Variants in DSCAML1 observed in about 807,000 individuals in gnomAD.
DSCAML1 encodes the protein cell adhesion molecule DSCAML1.
In DSCAML1, 38 loss-of-function variants were observed where a neutral mutation model predicts 200.5. That is an observed-to-expected ratio of 0.19 (90% CI 0.15 to 0.25). DSCAML1 has a LOEUF of 0.25. Ranked by LOEUF, DSCAML1 falls within the 10% of genes least tolerant of loss-of-function variation. The pLI, the probability that DSCAML1 is intolerant of heterozygous loss-of-function variation, is 1.00. For missense variants in DSCAML1, 2,223 were observed against 2,858.8 expected, an observed-to-expected ratio of 0.78 and a Z score of 5.07; for synonymous variants, 1,215 against 1,165.0, an observed-to-expected ratio of 1.04 and a Z score of -0.87.
chr11:117,692,502 T>A (rs2053514503), intron 3 of DSCAML1, among the ~76,000 whole-genome samples: 1 of 152,268 alleles, frequency 6.6e-6, no homozygotes, highest in Admixed American at 6.5e-5. Flanking sequence ...TGGTCAGGAT[T>A]TTAAACTACA....
chr11:117,616,410 A>T (rs2051812485), intron 3 of DSCAML1, among the ~76,000 whole-genome samples: 1 of 152,182 alleles, frequency 6.6e-6, no homozygotes, highest in Non-Finnish European at 1.5e-5. Context: ...CAATGGGAAG[A>T]CTGTACTGCT....
chr11:117,468,535 T>C (rs1407253763), intron 16 of DSCAML1, among the ~76,000 whole-genome samples: 1 of 152,220 alleles, frequency 6.6e-6, no homozygotes, highest in Non-Finnish European at 1.5e-5. Context: ...GGAGTGTTTC[T>C]AGGATACAGG....
rs1345834453 is a variant in DSCAML1 at position 117,428,532 on chromosome 11, TG to T, written c.5957del (p.Pro1986GlnfsTer45). 1.6e-5 allele frequency: 16 copies of T among 1,006,918 alleles called. No homozygotes were observed. Among genetic ancestry groups the T allele is most frequent in the African/African-American group, 1.9e-5 (1 of 53,802 alleles). The allele number at this position is 1,006,918 out of a possible 1,614,324, so 62.4% of individuals were successfully genotyped here. ...MPAPPAGTAP[P>X]APGPTPAEPP... The stretch of plus-strand genomic sequence containing the variant: ...GCTCAGCAGGGGTGGGGCCGGGGGC[TG>T]GGGGGGCTGTGCCGGCTGGGGGGGC... On this transcript the variant is annotated frameshift_variant, in exon 33 of 33. Transcript: ENST00000651296. LOFTEE classifies it high-confidence loss of function.
At chr11:117,471,566 T>C (rs768645095) in intron 15 of DSCAML1, among the ~76,000 whole-genome samples, 1 of 152,164 alleles carries the variant, frequency 6.6e-6, no homozygotes. Context: ...ATGAGGGTCA[T>C]AGAAAATGAT....
chr11:117,594,215 G>A (rs2051318983), intron 3 of DSCAML1, among the ~76,000 whole-genome samples: 1 of 152,184 alleles, frequency 6.6e-6, no homozygotes, highest in Non-Finnish European at 1.5e-5. Context: ...TTCAGAGAGA[G>A]TTTATCCTAG....
At chr11:117,710,747 C>G (rs368838595) in intron 3 of DSCAML1, among the ~76,000 whole-genome samples, 9 of 152,214 alleles carry the variant, frequency 5.9e-5, no homozygotes, top group Non-Finnish European at 1.3e-4. Context: ...TGAATGGTAG[C>G]TGTTAGGCAA....
chr11:117,623,798 T>C (rs148089696), intron 3 of DSCAML1, among the ~76,000 whole-genome samples: 4 of 152,324 alleles, frequency 2.6e-5, no homozygotes, highest in Non-Finnish European at 5.9e-5. Flanking sequence ...CATCTCCCAA[T>C]AGACGAGGTA....
chr11:117,432,127 G>A (rs1006267052), intron 30 of DSCAML1, among the ~76,000 whole-genome samples: 3 of 152,174 alleles, frequency 2.0e-5, no homozygotes, highest in African/African-American at 7.2e-5. Context: ...AAAATTTCTA[G>A]GTAAGGAAAC....
intron 3 of DSCAML1, among the ~76,000 whole-genome samples, chr11:117,718,128 G>A (rs1387591355): frequency 1.3e-5 from 2 of 152,230 alleles, no homozygotes; most frequent in African/African-American, 2.4e-5. Flanking sequence ...GGAACACAGC[G>A]TAAAAATTGA....
At chr11:117,715,375 G>T (rs2053933736) in intron 3 of DSCAML1, among the ~76,000 whole-genome samples, 1 of 152,086 alleles carries the variant, frequency 6.6e-6, no homozygotes, top group Non-Finnish European at 1.5e-5. Context: ...GACTCCCTTT[G>T]TACCCCCAGC....
intron 1 of DSCAML1, among the ~76,000 whole-genome samples, chr11:117,788,666 G>A (rs952906673): frequency 1.3e-5 from 2 of 152,190 alleles, no homozygotes; most frequent in Non-Finnish European, 2.9e-5. Flanking sequence ...GCCAGGCATG[G>A]TGGGAAGCCT....
chr11:117,814,957 GT>G (rs2134092361), intron 1 of DSCAML1, among the ~76,000 whole-genome samples: 1 of 152,326 alleles, frequency 6.6e-6, no homozygotes, highest in African/African-American at 2.4e-5. Context: ...TGTGGGCTGG[GT>G]TTGGCACGCA....
At chr11:117,639,280 GTGGGAGGCTGGATGGA>G (rs1337791946) in intron 3 of DSCAML1, among the ~76,000 whole-genome samples, 12 of 148,998 alleles carry the variant, frequency 8.1e-5, no homozygotes, top group East Asian at 6.0e-4. Context: ...AGCTGGATGG[GTGGGAGGCTGGATGGA>G]TGGGAGGCTG....
chr11:117,701,263 C>T (rs1565882552), intron 3 of DSCAML1, among the ~76,000 whole-genome samples: 1 of 147,940 alleles, frequency 6.8e-6, no homozygotes, highest in East Asian at 2.0e-4. Flanking sequence ...AAGACTCCAT[C>T]TCAAAATAAA....
chr11:117,614,241 C>G (rs1488505040), intron 3 of DSCAML1, among the ~76,000 whole-genome samples: 1 of 152,152 alleles, frequency 6.6e-6, no homozygotes, highest in African/African-American at 2.4e-5. Flanking sequence ...TTTGCATCTG[C>G]TCACATCGCT....
At chr11:117,540,100 A>G (rs2050239529) in intron 3 of DSCAML1, among the ~76,000 whole-genome samples, 1 of 152,226 alleles carries the variant, frequency 6.6e-6, no homozygotes, top group Non-Finnish European at 1.5e-5. Context: ...GACAGAAAGT[A>G]GAATGGTGGT....
At chr11:117,683,290 T>C (rs2053342902) in intron 3 of DSCAML1, among the ~76,000 whole-genome samples, 1 of 152,176 alleles carries the variant, frequency 6.6e-6, no homozygotes, top group African/African-American at 2.4e-5. Context: ...CAGAGCACGG[T>C]TGGTCCCAGG....
intron 8 of DSCAML1, among the ~76,000 whole-genome samples, chr11:117,506,353 T>C (rs1235289543): frequency 1.3e-5 from 2 of 152,078 alleles, no homozygotes; most frequent in Admixed American, 6.5e-5. Flanking sequence ...CTACCAATAA[T>C]GTCCCCATTT....
At chr11:117,805,105 C>T (rs182459147) in intron 1 of DSCAML1, among the ~76,000 whole-genome samples, 6 of 152,286 alleles carry the variant, frequency 3.9e-5, no homozygotes, top group Admixed American at 3.3e-4. Context: ...CACTATCCCA[C>T]GAACTTCTAC....
Sources: gnomAD v4.1 joint callset for allele counts (sites outside exome capture counted in the v4.1 genomes callset) on GRCh38, gnomAD v4.1.1 for gene constraint, MANE v1.5 for transcripts, NCBI Gene and HGNC (gene_info 2026-07-23, HGNC 2026-07-21) for gene names.